The following KCTD20 variants were observed in gnomAD, a reference collection of about 807,000 sequenced individuals.
KCTD20 encodes potassium channel tetramerization domain containing 20.
KCTD20 carries 30 observed loss-of-function variants against 39.6 expected under a neutral mutation model. That is an observed-to-expected ratio of 0.76 (90% CI 0.57 to 1.03). The LOEUF (loss-of-function observed/expected upper bound fraction) is 1.03, where lower values mean the gene tolerates loss of function less well. KCTD20 is among the 50% of genes least tolerant of loss of function. The pLI, the probability that KCTD20 is intolerant of heterozygous loss-of-function variation, is 0.00. For missense variants in KCTD20, 422 were observed against 522.0 expected (o/e 0.81, Z 1.87); for synonymous variants, 162 against 180.6 (o/e 0.90, Z 0.83).
chr6:36,462,816 A>G (rs769952258), intron 1 of KCTD20, among the ~76,000 whole-genome samples: 1 of 152,150 alleles, frequency 6.6e-6, no homozygotes, highest in Non-Finnish European at 1.5e-5. Flanking sequence ...AGACAATTTT[A>G]GTAACCTTCT....
At chr6:36,450,309 G>A (rs550151391) in intron 1 of KCTD20, among the ~76,000 whole-genome samples, 135 of 151,478 alleles carry the variant, frequency 8.9e-4, no homozygotes, top group Non-Finnish European at 1.6e-3. Flanking sequence ...CCAACATGAC[G>A]AAACCCTGTC....
chr6:36,471,482 C>T (rs927974630), intron 2 of KCTD20, among the ~76,000 whole-genome samples: 1 of 152,110 alleles, frequency 6.6e-6, no homozygotes, highest in Non-Finnish European at 1.5e-5. Flanking sequence ...TACTTTGTAG[C>T]GCTTTATGGA....
In KCTD20 at chr6:36,469,441, G is replaced by GCTAATCATGAATA. The variant is rs1775849384; in HGVS notation, c.-46-611_-46-610insCTAATCATGAATA. Among the ~76,000 whole-genome samples, 1 of 152,142 alleles carries GCTAATCATGAATA rather than the reference G, an allele frequency of 6.6e-6. No individual in the cohort carries two copies. Among genetic ancestry groups the GCTAATCATGAATA allele is most frequent in the Non-Finnish European group, 1.5e-5 (1 of 68,034 alleles). The stretch of plus-strand genomic sequence containing the variant: ...TGCACTGCTTTCGAGAGAGATGAAT[G>GCTAATCATGAATA]ACATGATTAGCTTTATAGCCAGTGT... On this transcript the variant is annotated intron_variant, in intron 1 of 7. Transcript: ENST00000373731. This position sits in a 1 kb window ranked among gnomAD's most constrained non-coding sequence, Gnocchi z 4.6.
At position 36,474,638 on chromosome 6, in the gene KCTD20, C is replaced by T. The variant is rs1323115923; in HGVS notation, c.161-151C>T. 3.4e-5 allele frequency: 20 copies of T among 589,288 alleles called. No individual in the cohort carries two copies. In the African/African-American group the frequency reaches 3.7e-4, roughly 11 times the overall value. The allele number at this position is 589,288 out of a possible 1,614,324, so 36.5% of individuals were successfully genotyped here. A position where few individuals can be genotyped will look rare whatever the true frequency, so the allele number is the denominator to read the frequency against. On this transcript the variant is annotated intron_variant, in intron 2 of 7. Transcript: ENST00000373731. ...AGTTTTTTTGTTTGCTTGCTTTTTA[C>T]TTGCTGTAGGCAAGAGGTTTTTTTT... is the stretch of plus-strand genomic sequence containing the variant.
chr6:36,485,557 G>A (rs370302025), intron 7 of KCTD20, among the ~76,000 whole-genome samples: 1 of 142,276 alleles, frequency 7.0e-6, no homozygotes, highest in Non-Finnish European at 1.5e-5. Context: ...GCGGTGGCAC[G>A]ATCTCAGCTC....
Position 36,470,072 on chromosome 6 carries a change from G to T in KCTD20, c.-26G>T, listed in dbSNP as rs41272162. On this transcript the variant is annotated 5_prime_UTR_variant, in exon 2 of 8. Transcript: ENST00000373731. ...TCCAGGATTTCTCTCTGATCAAACGGACAGTTCAGGACTCAGAATCTAAGG... is the reference window on the plus strand; with the variant it reads ...TCCAGGATTTCTCTCTGATCAAACGTACAGTTCAGGACTCAGAATCTAAGG... The T allele has an allele frequency of 0.025, 38,318 of 1,553,006 alleles. 539 individuals carry two copies. Among genetic ancestry groups the T allele is most frequent in the Non-Finnish European group, 0.029 (32,632 of 1,142,492 alleles).
At chr6:36,454,904 T>A (rs1425316554) in intron 1 of KCTD20, among the ~76,000 whole-genome samples, 1 of 151,564 alleles carries the variant, frequency 6.6e-6, no homozygotes, top group African/African-American at 2.4e-5. Context: ...CATCTTGGCC[T>A]CCCAAAGTGC....
rs868364680 is a variant in KCTD20, at chr6:36,450,194, G to C, written c.-47+7083G>C. Reference sequence around the variant, plus strand: ...AAAAAAAAAAAAAAAAAAAAAAGAAGTTATGTATTGGGGCCGGGTGCAATG... The same window carrying C: ...AAAAAAAAAAAAAAAAAAAAAAGAACTTATGTATTGGGGCCGGGTGCAATG... On this transcript the variant is annotated intron_variant, in intron 1 of 7. Coordinates refer to ENST00000373731, the MANE Select transcript of KCTD20 (RefSeq NM_173562.5). Among the ~76,000 whole-genome samples the C allele has an allele frequency of 2.7e-4, 37 of 139,542 alleles. 1 individual carries two copies. The highest frequency in any genetic ancestry group is 9.3e-4 in the Admixed American group (12 of 12,944). The allele number at this position is 139,542 out of a possible 152,430, so 91.5% of individuals were successfully genotyped here.
At chr6:36,458,367 C>T (rs1416038607) in intron 1 of KCTD20, among the ~76,000 whole-genome samples, 2 of 151,534 alleles carry the variant, frequency 1.3e-5, no homozygotes, top group Non-Finnish European at 2.9e-5. Context: ...GGAGAAACCC[C>T]GTCTCTACTA....
rs1776561455 is a variant in KCTD20, at chr6:36,490,694, A to C, written c.*3519A>C. On this transcript the variant is annotated 3_prime_UTR_variant, in exon 8 of 8. Coordinates refer to ENST00000373731, the MANE Select transcript of KCTD20 (RefSeq NM_173562.5). Reference sequence around the variant, plus strand: ...AAATTAAAAAAATAGCCAGGCATGGACATGGTAGTGCATACCTGTGGTCCC... The same window carrying C: ...AAATTAAAAAAATAGCCAGGCATGGCCATGGTAGTGCATACCTGTGGTCCC... 6.6e-6 allele frequency: 1 copy of C among 152,058 alleles called. No homozygotes were observed. The allele number at this position is 152,058 out of a possible 1,614,324, so 9.4% of individuals were successfully genotyped here.
At chr6:36,470,642 C>T (rs1327764209) in intron 2 of KCTD20, among the ~76,000 whole-genome samples, 2 of 152,006 alleles carry the variant, frequency 1.3e-5, no homozygotes, top group Non-Finnish European at 2.9e-5. Context: ...TCACTCTTCA[C>T]CCAGGTTGGA....
At chr6:36,474,731 T>C in intron 2 of KCTD20, 58 bp from the exon 3 acceptor site, 14 of 1,453,344 alleles carry the variant, frequency 9.6e-6, no homozygotes, top group Non-Finnish European at 1.3e-5. Context: ...ACAGGGTTTA[T>C]TTTTCTCTCA....
intron 1 of KCTD20, among the ~76,000 whole-genome samples, chr6:36,463,825 T>C (rs1253162785): frequency 6.6e-6 from 1 of 152,174 alleles, no homozygotes; most frequent in African/African-American, 2.4e-5. Flanking sequence ...ATTTTGTTTA[T>C]AGCAGCACAA....
chr6:36,487,195 C>T lies in KCTD20; in HGVS notation c.*20C>T. The stretch of plus-strand genomic sequence containing the variant: ...GATTAGGGCCAGCTGTGGGTCTACT[C>T]CTTGTTGGAGCCCATCTCACCTGGG... On this transcript the variant is annotated 3_prime_UTR_variant, in exon 8 of 8. Coordinates refer to ENST00000373731, the MANE Select transcript of KCTD20 (RefSeq NM_173562.5). 1 of 1,596,300 alleles carries T rather than the reference C, an allele frequency of 6.3e-7. No individual in the cohort carries two copies. Among genetic ancestry groups the T allele is most frequent in the Non-Finnish European group, 8.5e-7 (1 of 1,170,066 alleles).
rs192759223 is a variant in KCTD20 at position 36,459,853 on chromosome 6, A to G, written c.-46-10199A>G. 5.2e-3 allele frequency among the ~76,000 whole-genome samples: 785 copies of G among 152,214 alleles called. 3 individuals are homozygous for G. Among genetic ancestry groups the G allele is most frequent in the African/African-American group, 0.017 (726 of 41,534 alleles). ...ATGGATCTGTCCTCTAAAGCCTTCA[A>G]CTCTTTTCTTGCTATATAAATGCTT... is the stretch of plus-strand genomic sequence containing the variant. On this transcript the variant is annotated intron_variant, in intron 1 of 7. Coordinates refer to ENST00000373731, the MANE Select transcript of KCTD20 (RefSeq NM_173562.5).
chr6:36,464,477 C>G (rs1214855469), intron 1 of KCTD20, among the ~76,000 whole-genome samples: 1 of 152,174 alleles, frequency 6.6e-6, no homozygotes, highest in East Asian at 1.9e-4. Flanking sequence ...CACCATCACA[C>G]ACCAGCTAAT....
intron 1 of KCTD20, chr6:36,452,678 C>T (rs1775295218): frequency 6.6e-6 from 1 of 151,804 alleles, no homozygotes; most frequent in African/African-American, 2.4e-5. Flanking sequence ...GCTGGGACTA[C>T]AGGTGTACAC....
chr6:36,455,793 A>G (rs1305574764), intron 1 of KCTD20, among the ~76,000 whole-genome samples: 1 of 152,248 alleles, frequency 6.6e-6, no homozygotes, highest in Non-Finnish European at 1.5e-5. Flanking sequence ...TCTTCCTCAG[A>G]GAAGTTTGTG....
intron 1 of KCTD20, among the ~76,000 whole-genome samples, chr6:36,446,920 G>A (rs1775064903): frequency 6.6e-6 from 1 of 152,124 alleles, no homozygotes; most frequent in South Asian, 2.1e-4. Flanking sequence ...CTTACTAAAT[G>A]GTTTTACATC....
Sources: allele counts gnomAD v4.1 joint callset (sites outside exome capture counted in the v4.1 genomes callset), GRCh38; gene constraint gnomAD v4.1.1; non-coding constraint Gnocchi (gnomAD v3.1); transcripts MANE v1.5; gene names NCBI Gene and HGNC (gene_info 2026-07-23, HGNC 2026-07-21).